Variants in DAO observed in about 807,000 individuals in gnomAD.
DAO encodes the protein D-amino-acid oxidase.
In DAO, 51 loss-of-function variants were observed where a neutral mutation model predicts 50.1. The ratio of observed to expected loss-of-function variants is 1.02; its 90% CI spans 0.81 to 1.29. The LOEUF (loss-of-function observed/expected upper bound fraction) is 1.29, where lower values mean the gene tolerates loss of function less well. DAO is among the 50% of genes most tolerant of loss of function. The probability of loss-of-function intolerance (pLI) is 0.00; values close to 1 mark genes in which losing one functional copy is unlikely to be tolerated. For synonymous variants in DAO, 160 were observed against 166.2 expected, an observed-to-expected ratio of 0.96 and a Z score of 0.29; for missense variants, 436 against 439.4, an observed-to-expected ratio of 0.99 and a Z score of 0.07.
In DAO at chr12:108,885,040, G is replaced by A. The variant is rs373913310; in HGVS notation, c.34G>A (p.Gly12Arg). ...GGTGGTGATTGGAGCAGGAGTCATC[G>A]GGCTGTCCACCGCCCTCTGCATCCA... is the stretch of plus-strand genomic sequence containing the variant. Reference protein sequence around the residue: ...RVVVIGAGVIGLSTALCIHER... With the variant: ...RVVVIGAGVIRLSTALCIHER... The change falls in exon 2 of 11, where the codon GGG (glycine) becomes AGG (arginine). Residue 12 changes from glycine to arginine, a missense_variant. Transcript: ENST00000228476. The A allele has an allele frequency of 4.0e-5, 64 of 1,614,060 alleles. No homozygotes were observed. The highest frequency in any genetic ancestry group is 4.8e-5 in the Non-Finnish European group (57 of 1,180,008).
intron 1 of DAO, among the ~76,000 whole-genome samples, chr12:108,881,474 AACACACACACACAC>A (rs59694062): frequency 1.4e-5 from 2 of 138,500 alleles, no homozygotes; most frequent in African/African-American, 2.7e-5. Flanking sequence ...TGTATTTTAA[AACACACACACACAC>A]ACACACACAC....
intron 1 of DAO, chr12:108,883,695 G>C (rs1367870570): frequency 4.4e-6 from 2 of 454,306 alleles, no homozygotes; most frequent in Non-Finnish European, 4.4e-6. Context: ...AGAAGACCAA[G>C]GGTCCCTGAG....
chr12:108,882,904 T>G (rs569268514), intron 1 of DAO, among the ~76,000 whole-genome samples: 3 of 151,992 alleles, frequency 2.0e-5, no homozygotes, highest in Non-Finnish European at 4.4e-5. Context: ...GCCCAGCGCT[T>G]TGGGAGGCTG....
chr12:108,883,956 G>A (rs1241970142), intron 1 of DAO, among the ~76,000 whole-genome samples: 2 of 152,264 alleles, frequency 1.3e-5, no homozygotes, highest in Non-Finnish European at 1.5e-5. Context: ...GAGGAGAGTT[G>A]TGAGTGAAGA....
At chr12:108,887,396 G>GT in intron 2 of DAO, 54 bp from the exon 3 acceptor site, 1 of 1,368,068 alleles carries the variant, frequency 7.3e-7, no homozygotes, top group Non-Finnish European at 1.0e-6. Flanking sequence ...CTGACCTAAG[G>GT]TTTTTTGCCC....
At chr12:108,898,557 G>C (rs2039586842) in intron 8 of DAO, 122 bp from the exon 9 acceptor site, 4 of 778,626 alleles carry the variant, frequency 5.1e-6, no homozygotes, top group Admixed American at 3.4e-5. Context: ...GGTGATGACA[G>C]TGGCAATTGA....
chr12:108,899,584 C>A, intron 10 of DAO, 109 bp downstream of exon 10: 2 of 928,766 alleles, frequency 2.2e-6, no homozygotes, highest in Non-Finnish European at 1.7e-6. Context: ...GGCTCCATAG[C>A]AGGCAGGGGC....
chr12:108,884,952 G>A, intron 1 of DAO, 46 bp from the exon 2 acceptor site: 1 of 1,561,252 alleles, frequency 6.4e-7, no homozygotes, highest in Non-Finnish European at 8.8e-7. Flanking sequence ...TAAGGATGAT[G>A]GAGATGATGG....
chr12:108,890,259 G>A lies in DAO; in HGVS notation c.438G>A (p.Gln146=), dbSNP rs2039477483. Residue 146 remains glutamine (Q), a synonymous_variant, in exon 5 of 11, where the codon CAG becomes CAA. Transcript: ENST00000228476. ...TTCTGGAGGGAAAGAACTATCTACA[G>A]TGGCTGACTGAAAGGTGAGATTTTA... is the stretch of plus-strand genomic sequence containing the variant. ...SLILEGKNYL[Q]WLTERLTERG... 1 of 1,613,480 alleles carries A rather than the reference G, an allele frequency of 6.2e-7. No individual in the cohort carries two copies. The highest frequency in any genetic ancestry group is 1.7e-5 in the Admixed American group (1 of 59,992).
chr12:108,888,336 G>A (rs1022387411), intron 3 of DAO, among the ~76,000 whole-genome samples: 58 of 142,086 alleles, frequency 4.1e-4, no homozygotes, highest in Non-Finnish European at 7.2e-4. Context: ...ATGGGACCAA[G>A]AGTATTTTTT....
intron 7 of DAO, among the ~76,000 whole-genome samples, chr12:108,894,943 T>C (rs2039531202): frequency 6.6e-6 from 1 of 152,228 alleles, no homozygotes; most frequent in Non-Finnish European, 1.5e-5. Context: ...CTCAAACTCC[T>C]GGGCTCAAGT....
chr12:108,882,815 A>C (rs1211105129), intron 1 of DAO, among the ~76,000 whole-genome samples: 1 of 152,200 alleles, frequency 6.6e-6, no homozygotes, highest in Non-Finnish European at 1.5e-5. Context: ...AAATACAGAA[A>C]GCCCTTTATT....
chr12:108,881,730 G>T (rs182513474), intron 1 of DAO, among the ~76,000 whole-genome samples: 2 of 149,856 alleles, frequency 1.3e-5, no homozygotes, highest in Non-Finnish European at 3.0e-5. Flanking sequence ...TCGGCCTCCC[G>T]AGTAGCTGGA....
intron 2 of DAO, among the ~76,000 whole-genome samples, chr12:108,886,090 G>A (rs894954644): frequency 6.6e-6 from 1 of 152,060 alleles, no homozygotes. Context: ...GTCTCACTAT[G>A]TTGCCCGGGC....
intron 6 of DAO, among the ~76,000 whole-genome samples, chr12:108,893,671 C>T (rs2039515758): frequency 6.6e-6 from 1 of 152,132 alleles, no homozygotes; most frequent in African/African-American, 2.4e-5. Context: ...CACTCAGGAA[C>T]AATAGTAGCG....
chr12:108,885,168 C>T lies in DAO; in HGVS notation c.162C>T (p.Pro54=), dbSNP rs1170323916. 1 of 1,613,402 alleles carries T rather than the reference C, an allele frequency of 6.2e-7. No homozygotes were observed. Among genetic ancestry groups the T allele is most frequent in the Non-Finnish European group, 8.5e-7 (1 of 1,179,746 alleles). ...ACGTGGCTGCCGGCCTCTGGCAGCC[C>T]TACCTTTCTGACCCCAACAACCCAC... ...TTDVAAGLWQ[P]YLSDPNNPQE... is the part of the protein sequence containing the mutation. The change falls in exon 2 of 11, where the codon CCC becomes CCT. Residue 54 remains proline, a synonymous_variant. Coordinates refer to ENST00000228476, the MANE Select transcript of DAO (RefSeq NM_001917.5).
intron 3 of DAO, among the ~76,000 whole-genome samples, chr12:108,887,858 T>C (rs1339044857): frequency 6.6e-6 from 1 of 152,204 alleles, no homozygotes; most frequent in African/African-American, 2.4e-5. Context: ...GACGGGCACT[T>C]GGTGCTGAAG....
In DAO at chr12:108,885,113, C is replaced by A; in HGVS notation, c.107C>A (p.Ala36Glu). The change falls in exon 2 of 11, where the codon GCG (alanine) becomes GAG (glutamate). Residue 36 changes from alanine (A) to glutamate (E), a missense_variant. Transcript: ENST00000228476. Reference sequence around the variant, plus strand: ...CAGCCACTGGACATAAAGGTCTACGCGGACCGCTTCACCCCACTCACCACC... The same window carrying A: ...CAGCCACTGGACATAAAGGTCTACGAGGACCGCTTCACCCCACTCACCACC... ...VLQPLDIKVY[A>E]DRFTPLTTTD... 1 of 1,613,818 alleles carries A rather than the reference C, an allele frequency of 6.2e-7. No individual in the cohort carries two copies. The highest frequency in any genetic ancestry group is 8.5e-7 in the Non-Finnish European group (1 of 1,179,732).
chr12:108,881,625 A>G (rs1342433444), intron 1 of DAO, among the ~76,000 whole-genome samples: 11 of 39,942 alleles, frequency 2.8e-4, no homozygotes, highest in African/African-American at 1.2e-3. Context: ...TTTTTTTTTG[A>G]CAGAGTTTCA....
Sources: allele counts gnomAD v4.1 joint callset (sites outside exome capture counted in the v4.1 genomes callset), GRCh38; gene constraint gnomAD v4.1.1; transcripts MANE v1.5; gene names NCBI Gene and HGNC (gene_info 2026-07-23, HGNC 2026-07-21).